The following FUT8 variants were observed in gnomAD, a reference collection of about 807,000 sequenced individuals.
The protein encoded by FUT8 is alpha-(1,6)-fucosyltransferase.
A neutral mutation model predicts 71.3 loss-of-function variants in FUT8; 29 were observed. The ratio of observed to expected loss-of-function variants is 0.41; its 90% CI spans 0.30 to 0.55. FUT8 has a LOEUF of 0.55. Among genes scored for constraint, FUT8 ranks in the 20% least tolerant of loss-of-function variants. FUT8 has a pLI of 0.34. For synonymous variants in FUT8, 254 were observed against 239.3 expected (o/e 1.06, Z -0.57); for missense variants, 544 against 702.1 (o/e 0.77, Z 2.55).
intron 2 of FUT8, among the ~76,000 whole-genome samples, chr14:65,540,429 C>T (rs1193413475): frequency 1.3e-5 from 2 of 152,136 alleles, no homozygotes; most frequent in Non-Finnish European, 2.9e-5. Flanking sequence ...CAGTTTTCTT[C>T]CACTTTATTG....
chr14:65,370,343 G>A, the FUT8 span, among the ~76,000 whole-genome samples: 1 of 151,322 alleles, frequency 6.6e-6, no homozygotes, highest in Non-Finnish European at 1.5e-5. Context: ...GAGTAGCTGG[G>A]ACTACAGGTG....
At position 65,724,335 on chromosome 14, in the gene FUT8, C is replaced by T; in HGVS notation, c.1259+12C>T. 1 of 1,552,620 alleles carries T rather than the reference C, an allele frequency of 6.4e-7. No individual in the cohort carries two copies. Among genetic ancestry groups the T allele is most frequent in the South Asian group, 1.2e-5 (1 of 84,620 alleles). ...GAGGCAAAAACAAAGTAAGTTAGAC[C>T]AACTAGTGATTCTAGAGTGGGGTTG... On this transcript the variant is annotated intron_variant, in intron 9 of 10. Coordinates refer to ENST00000673929, the MANE Select transcript of FUT8 (RefSeq NM_001371533.1).
At chr14:65,530,780 G>C (rs539585267) in intron 2 of FUT8, among the ~76,000 whole-genome samples, 1 of 150,582 alleles carries the variant, frequency 6.6e-6, no homozygotes, top group East Asian at 2.0e-4. Context: ...TGGTGCTCTT[G>C]CGTGTATGCT....
At chr14:65,583,806 T>A (rs576153804) in intron 3 of FUT8, among the ~76,000 whole-genome samples, 3 of 152,340 alleles carry the variant, frequency 2.0e-5, no homozygotes, top group African/African-American at 7.2e-5. Flanking sequence ...ATCTTTGTTG[T>A]GTAGAATAGG....
upstream of FUT8, chr14:65,411,725 A>G (rs370834264): frequency 1.8e-5 from 5 of 285,626 alleles, no homozygotes; most frequent in East Asian, 5.8e-4. Context: ...AAAGCGCCCC[A>G]GGCTTGGGAT....
chr14:65,724,711 G>C (rs1895591903), intron 9 of FUT8, among the ~76,000 whole-genome samples: 1 of 152,184 alleles, frequency 6.6e-6, no homozygotes. Flanking sequence ...CTGAGGCTGG[G>C]AAATTCAAGA....
intron 7 of FUT8, among the ~76,000 whole-genome samples, chr14:65,699,966 CTCT>C (rs1407725179): frequency 6.6e-6 from 1 of 152,114 alleles, no homozygotes; most frequent in Non-Finnish European, 1.5e-5. Flanking sequence ...TCTGTTTTTC[CTCT>C]TCTTATACTT....
chr14:65,545,494 G>A (rs1200918436), intron 2 of FUT8, among the ~76,000 whole-genome samples: 1 of 151,774 alleles, frequency 6.6e-6, no homozygotes, highest in African/African-American at 2.4e-5. Flanking sequence ...TGTGAAATAT[G>A]TCATGCTCAA....
At chr14:65,545,408 A>G (rs942673416) in intron 2 of FUT8, among the ~76,000 whole-genome samples, 14 of 151,864 alleles carry the variant, frequency 9.2e-5, no homozygotes, top group Non-Finnish European at 1.6e-4. Context: ...CTTTTCTTTA[A>G]AAGTTTTATT....
intron 2 of FUT8, among the ~76,000 whole-genome samples, chr14:65,539,204 A>G (rs1406165244): frequency 6.6e-6 from 1 of 152,182 alleles, no homozygotes; most frequent in African/African-American, 2.4e-5. Flanking sequence ...CCTAGGCAAT[A>G]TGGATGTACA....
chr14:65,528,976 A>G (rs929869764), intron 2 of FUT8: 8 of 155,078 alleles, frequency 5.2e-5, no homozygotes, highest in Admixed American at 3.3e-4. Context: ...CTTCATGTGC[A>G]TGGTATTTTA....
chr14:65,545,885 T>C (rs1351131294), intron 2 of FUT8, among the ~76,000 whole-genome samples: 2 of 151,846 alleles, frequency 1.3e-5, no homozygotes, highest in Non-Finnish European at 3.0e-5. Flanking sequence ...GAAAGTTTAT[T>C]ACATCTATAT....
At chr14:65,369,023 C>T in the FUT8 span, among the ~76,000 whole-genome samples, 125 of 152,330 alleles carry the variant, frequency 8.2e-4, 1 homozygote, top group Non-Finnish European at 1.5e-3. The surrounding 1 kb of genome is among the most constrained non-coding windows in gnomAD (Gnocchi z 4.6). Context: ...ATTATTTCTA[C>T]ACATAATCAA....
chr14:65,659,228 G>A (rs187187856), intron 6 of FUT8, among the ~76,000 whole-genome samples: 5 of 151,720 alleles, frequency 3.3e-5, no homozygotes, highest in Admixed American at 3.3e-4. Context: ...TAATAGCTGG[G>A]GATTCCAGAG....
chr14:65,405,433 G>T, the FUT8 span, among the ~76,000 whole-genome samples: 44 of 152,226 alleles, frequency 2.9e-4, no homozygotes, highest in African/African-American at 1.0e-3. Context: ...ATAAAAATTT[G>T]TTGATTCACT....
At chr14:65,529,289 T>G (rs1883763662) in intron 2 of FUT8, 1 of 152,186 alleles carries the variant, frequency 6.6e-6, no homozygotes, top group Non-Finnish European at 1.5e-5. Flanking sequence ...TGGAGTGCAG[T>G]GGCACAATTT....
At chr14:65,405,315 T>C in the FUT8 span, among the ~76,000 whole-genome samples, 1 of 152,178 alleles carries the variant, frequency 6.6e-6, no homozygotes, top group Admixed American at 6.5e-5. Flanking sequence ...TGAGTTCCAA[T>C]AGGACTATCC....
intron 2 of FUT8, among the ~76,000 whole-genome samples, chr14:65,545,205 G>C (rs138381427): frequency 1.3e-3 from 194 of 151,696 alleles, no homozygotes; most frequent in Non-Finnish European, 2.3e-3. Context: ...CCCTTTTCCC[G>C]TATAGGGAGC....
chr14:65,692,076 C>T (rs1366668634), intron 7 of FUT8, among the ~76,000 whole-genome samples: 6 of 152,186 alleles, frequency 3.9e-5, no homozygotes, highest in African/African-American at 1.4e-4. Context: ...TTCCACAAAA[C>T]CGCCATTGTC....
Sources: allele counts gnomAD v4.1 joint callset (sites outside exome capture counted in the v4.1 genomes callset), GRCh38; gene constraint gnomAD v4.1.1; non-coding constraint Gnocchi (gnomAD v3.1); transcripts MANE v1.5; gene names NCBI Gene and HGNC (gene_info 2026-07-23, HGNC 2026-07-21).